TTYH1: variants seen among roughly 807,000 people sequenced by gnomAD.
The protein encoded by TTYH1 is tweety family member 1.
TTYH1 carries 33 observed loss-of-function variants against 61.2 expected under a neutral mutation model. That is an observed-to-expected ratio of 0.54 (90% CI 0.41 to 0.72). The LOEUF (loss-of-function observed/expected upper bound fraction) is 0.72. TTYH1 is among the 30% of genes least tolerant of loss of function. TTYH1 has a pLI of 0.00. For missense variants in TTYH1, 538 were observed against 575.8 expected, an observed-to-expected ratio of 0.93 and a Z score of 0.67; for synonymous variants, 308 against 266.4, an observed-to-expected ratio of 1.16 and a Z score of -1.52.
rs2083384326 is a variant in TTYH1 at position 54,429,151 on chromosome 19, A to AC, written c.735-151dup. Among the ~76,000 whole-genome samples the AC allele has an allele frequency of 6.6e-6, 1 of 151,974 alleles. No individual in the cohort carries two copies. Among genetic ancestry groups the AC allele is most frequent in the Non-Finnish European group, 1.5e-5 (1 of 67,996 alleles). ...GCTGGACATCAGCAGCCACTGGCCT[A>AC]CCCCCAACCACTGAACTTGTGTTTC... is the stretch of plus-strand genomic sequence containing the variant. On this transcript the variant is annotated intron_variant, in intron 5 of 13. Coordinates refer to ENST00000376530, the MANE Select transcript of TTYH1 (RefSeq NM_020659.4). The surrounding 1 kb of genome is among the most constrained non-coding windows in gnomAD (Gnocchi z 5.1).
At chr19:54,426,920 G>T (rs1335747175) in intron 5 of TTYH1, 152 bp downstream of exon 5, 1 of 651,776 alleles carries the variant, frequency 1.5e-6, no homozygotes, top group Non-Finnish European at 2.6e-6. Flanking sequence ...CAGGAGGGAG[G>T]CGGGGACAGA....
Position 54,416,984 on chromosome 19 carries a change from A to T in TTYH1, c.126+1306A>T. On this transcript the variant is annotated intron_variant, in intron 1 of 13. Coordinates refer to ENST00000376530, the MANE Select transcript of TTYH1 (RefSeq NM_020659.4). This position sits in a 1 kb window ranked among gnomAD's most constrained non-coding sequence, Gnocchi z 7.0. ...GGTCGGGGGTCAGGGTCAGGGTGGC[A>T]GGGATGCGCGGGCAGAGCCCCACAG... The T allele has an allele frequency of 8.3e-7, 1 of 1,209,130 alleles. No individual in the cohort carries two copies. Among genetic ancestry groups the T allele is most frequent in the Non-Finnish European group, 1.1e-6 (1 of 951,360 alleles). The allele number at this position is 1,209,130 out of a possible 1,614,324, so 74.9% of individuals were successfully genotyped here.
intron 10 of TTYH1, 80 bp from the exon 11 acceptor site, chr19:54,435,462 G>A (rs1443547112): frequency 1.2e-5 from 18 of 1,492,818 alleles, no homozygotes; most frequent in Non-Finnish European, 1.5e-5. Flanking sequence ...CAGCCGGGAG[G>A]ACGGTCAGAC....
chr19:54,431,068 C>A (rs1352780195), intron 9 of TTYH1, 31 bp from the exon 10 acceptor site: 26 of 1,569,576 alleles, frequency 1.7e-5, no homozygotes, highest in Non-Finnish European at 2.1e-5. Context: ...CTGAAGAGTT[C>A]GTGGGAAAAC....
intron 8 of TTYH1, 64 bp from the exon 9 acceptor site, chr19:54,430,749 G>A (rs2083421138): frequency 1.9e-6 from 3 of 1,587,160 alleles, no homozygotes; most frequent in Non-Finnish European, 2.6e-6. Context: ...GTGTCCGGAG[G>A]AGAGGAGAGA....
intron 4 of TTYH1, 52 bp from the exon 5 acceptor site, chr19:54,426,621 G>T (rs117905101): frequency 3.4e-6 from 5 of 1,463,668 alleles, no homozygotes; most frequent in Middle Eastern, 4.5e-4. Flanking sequence ...CTGTTCCGCC[G>T]GGGTGCCTGG....
Position 54,436,330 on chromosome 19 carries a change from C to A in TTYH1, c.*43-3C>A. The A allele has an allele frequency of 1.2e-6, 2 of 1,614,190 alleles. No individual in the cohort carries two copies. The highest frequency in any genetic ancestry group is 1.7e-6 in the Non-Finnish European group (2 of 1,180,028). On this transcript the variant is annotated splice_region_variant and splice_polypyrimidine_tract_variant and intron_variant, in intron 13 of 13. Transcript: ENST00000376530. The surrounding 1 kb of genome is among the most constrained non-coding windows in gnomAD (Gnocchi z 4.3). ...ACTGCCCTGTCTCTCCCTCTCTCCG[C>A]AGTTCCTTCCCTGGCTGCCGGAGGA...
rs959232248 is a variant in TTYH1, at chr19:54,430,930, C to T, written c.1032+25C>T. The T allele has an allele frequency of 1.9e-6, 3 of 1,607,156 alleles. No homozygotes were observed. In the African/African-American group the frequency reaches 4.0e-5, roughly 21 times the overall value. ...GGTCGGTGGGTGGGCGCTCCCCAGA[C>T]ACGCGGACCCCACGGGGAAGGCGGA... On this transcript the variant is annotated intron_variant, in intron 9 of 13. Transcript: ENST00000376530.
In TTYH1 at chr19:54,436,454, C is replaced by A; in HGVS notation, c.*164C>A. 2 of 1,493,436 alleles carry A rather than the reference C, an allele frequency of 1.3e-6. No homozygotes were observed. Among genetic ancestry groups the A allele is most frequent in the South Asian group, 1.1e-5 (1 of 88,298 alleles). 92.5% of individuals were successfully genotyped at this position (1,493,436 alleles called of 1,614,324 possible). A position where few individuals can be genotyped will look rare whatever the true frequency, so the allele number is the denominator to read the frequency against. On this transcript the variant is annotated 3_prime_UTR_variant, in exon 14 of 14. Transcript: ENST00000376530. This position sits in a 1 kb window ranked among gnomAD's most constrained non-coding sequence, Gnocchi z 4.3. ...CTCCCTGCTCTTGGCCACTGTGCTCCCATTTCTGTCCTTGGCCTTGGGAGT... is the reference window on the plus strand; with the variant it reads ...CTCCCTGCTCTTGGCCACTGTGCTCACATTTCTGTCCTTGGCCTTGGGAGT...
Position 54,430,531 on chromosome 19 carries a change from T to C in TTYH1, c.884-19T>C, listed in dbSNP as rs1274407076. On this transcript the variant is annotated intron_variant, in intron 7 of 13. Coordinates refer to ENST00000376530, the MANE Select transcript of TTYH1 (RefSeq NM_020659.4). The stretch of plus-strand genomic sequence containing the variant: ...GGCCCAGGCTCATGGCCTCCTCCCC[T>C]CTCCTCCTCCCACTTCAGACATCCT... 1 of 1,613,592 alleles carries C rather than the reference T, an allele frequency of 6.2e-7. No homozygotes were observed. The highest frequency in any genetic ancestry group is 8.5e-7 in the Non-Finnish European group (1 of 1,179,778).
In TTYH1 at chr19:54,431,082, C is replaced by T. The variant is rs2083431958; in HGVS notation, c.1033-17C>T. ...CCTGAAGAGTTCGTGGGAAAACGACCCCTCCTCGCCCCGCAGAAGCCTCTG... is the reference window on the plus strand; with the variant it reads ...CCTGAAGAGTTCGTGGGAAAACGACTCCTCCTCGCCCCGCAGAAGCCTCTG... On this transcript the variant is annotated splice_polypyrimidine_tract_variant and intron_variant, in intron 9 of 13. Transcript: ENST00000376530. 1 of 1,598,220 alleles carries T rather than the reference C, an allele frequency of 6.3e-7. No homozygotes were observed. Among genetic ancestry groups the T allele is most frequent in the Non-Finnish European group, 8.6e-7 (1 of 1,165,886 alleles).
At chr19:54,418,999 T>C in intron 1 of TTYH1, 129 bp from the exon 2 acceptor site, 2 of 909,728 alleles carry the variant, frequency 2.2e-6, no homozygotes, top group Non-Finnish European at 3.3e-6. Context: ...TCCCCCAAGA[T>C]TAGGCCAGGG....
chr19:54,422,063 T>A, intron 3 of TTYH1, 127 bp from the exon 4 acceptor site: 1 of 711,268 alleles, frequency 1.4e-6, no homozygotes, highest in East Asian at 2.8e-5. Flanking sequence ...AATCCTCAGA[T>A]GTCCCAGACT....
At chr19:54,423,596 C>G (rs1409904274) in intron 4 of TTYH1, among the ~76,000 whole-genome samples, 1 of 152,216 alleles carries the variant, frequency 6.6e-6, no homozygotes, top group Non-Finnish European at 1.5e-5. Context: ...AGACCTCTGC[C>G]TTGGTTTCCC....
intron 10 of TTYH1, chr19:54,433,292 T>G (rs1374095553): frequency 3.9e-5 from 6 of 152,282 alleles, no homozygotes; most frequent in Non-Finnish European, 7.3e-5. Flanking sequence ...GCACTGTGGC[T>G]CACGCCTGTA....
chr19:54,425,700 T>C (rs951242938), intron 4 of TTYH1, among the ~76,000 whole-genome samples: 3 of 118,666 alleles, frequency 2.5e-5, no homozygotes, highest in African/African-American at 9.9e-5. Flanking sequence ...TTCACTGATA[T>C]TTAAGGATTA....
intron 5 of TTYH1, among the ~76,000 whole-genome samples, chr19:54,427,623 A>C (rs927137522): frequency 2.4e-4 from 36 of 150,992 alleles, no homozygotes; most frequent in South Asian, 8.4e-4. Flanking sequence ...AACAACAAAA[A>C]AAAAAAACAG....
chr19:54,426,798 C>G (rs1263085830), intron 5 of TTYH1, 30 bp downstream of exon 5: 2 of 1,593,060 alleles, frequency 1.3e-6, no homozygotes, highest in African/African-American at 1.3e-5. Context: ...GGACCCAGTG[C>G]TTGCCTGGCA....
rs1415553405 is a variant in TTYH1, at chr19:54,430,591, A to C, written c.925A>C (p.Asn309His). 1 of 1,613,680 alleles carries C rather than the reference A, an allele frequency of 6.2e-7. No individual in the cohort carries two copies. Among genetic ancestry groups the C allele is most frequent in the Non-Finnish European group, 8.5e-7 (1 of 1,179,932 alleles). Reference protein sequence around the residue: ...YYLLCNRAVSNPFQQRLTLSQ... With the variant: ...YYLLCNRAVSHPFQQRLTLSQ... The stretch of plus-strand genomic sequence containing the variant: ...TCTCCTCTGCAACCGGGCCGTCTCC[A>C]ACCCCTTCCAACAGGTTAGGGCTGC... The change falls in exon 8 of 14, where the codon AAC (asparagine) becomes CAC (histidine). Residue 309 changes from asparagine (N) to histidine (H), a missense_variant. By Grantham distance (68) the Asn-to-His change is moderately conservative (BLOSUM62 1). This residue lies in a region of TTYH1 where 378 missense variants were observed against 401.2 expected (regional missense o/e 0.94). Coordinates refer to ENST00000376530, the MANE Select transcript of TTYH1 (RefSeq NM_020659.4).
Sources: gnomAD v4.1 joint callset for allele counts (sites outside exome capture counted in the v4.1 genomes callset) on GRCh38, gnomAD v4.1.1 for gene constraint, gnomAD v4.1.1 regional missense constraint, Gnocchi (gnomAD v3.1) non-coding constraint, MANE v1.5 for transcripts, NCBI Gene and HGNC (gene_info 2026-07-23, HGNC 2026-07-21) for gene names.